ETFA: variants seen among roughly 807,000 people sequenced by gnomAD.
ETFA encodes electron transfer flavoprotein subunit alpha, also known as electron transfer flavoprotein subunit alpha, mitochondrial.
A neutral mutation model predicts 46.2 loss-of-function variants in ETFA; 22 were observed. That is an observed-to-expected ratio of 0.48 (90% confidence interval 0.34 to 0.68). ETFA has a LOEUF of 0.68. Among genes scored for constraint, ETFA ranks in the 30% least tolerant of loss-of-function variants. ETFA has a pLI of 0.01. For missense variants in ETFA, 345 were observed against 401.1 expected, an observed-to-expected ratio of 0.86 and a Z score of 1.19; for synonymous variants, 131 against 139.9, an observed-to-expected ratio of 0.94 and a Z score of 0.45.
chr15:76,311,350 C>A lies in ETFA; in HGVS notation c.39G>T (p.Ala13=). Residue 13 remains alanine, a splice_region_variant and synonymous_variant, in exon 1 of 12, where the codon GCG becomes GCT. Transcript: ENST00000557943. ...GTTCGCCTTCCCAGTCCGGACTCAC[C>A]GCCCGCCGGAGCTGCCCCGGAGCCG... ...RAAAPGQLRR[A]ASLLRFQSTL... The A allele has an allele frequency of 6.4e-7, 1 of 1,557,676 alleles. No individual in the cohort carries two copies. The highest frequency in any genetic ancestry group is 8.7e-7 in the Non-Finnish European group (1 of 1,151,352).
chr15:76,258,880 G>A (rs2039373441), intron 9 of ETFA: 3 of 744,426 alleles, frequency 4.0e-6, no homozygotes, highest in African/African-American at 1.7e-5. Context: ...ACTACCACAG[G>A]AGCCTCCACA....
rs1260407620 is a variant in ETFA at position 76,287,864 on chromosome 15, C to T, written c.433G>A (p.Val145Met). 1 of 1,612,616 alleles carries T rather than the reference C, an allele frequency of 6.2e-7. No homozygotes were observed. ...IIAIKSPDTF[V>M]RTIYAGNALC... is the part of the protein sequence containing the mutation. ...TACTCACCTGCATAAATAGTTCTCACAAATGTGTCAGGTGACTTGATTGCA... is the reference window on the plus strand; with the variant it reads ...TACTCACCTGCATAAATAGTTCTCATAAATGTGTCAGGTGACTTGATTGCA... Residue 145 changes from valine (V) to methionine (M), a missense_variant, in exon 5 of 12, where the codon GTG becomes ATG. Physicochemically the swap from Val to Met is conservative, Grantham distance 21. Coordinates refer to ENST00000557943, the MANE Select transcript of ETFA (RefSeq NM_000126.4).
intron 11 of ETFA, among the ~76,000 whole-genome samples, chr15:76,221,250 A>G (rs1289018429): frequency 1.3e-5 from 2 of 152,252 alleles, no homozygotes; most frequent in Non-Finnish European, 2.9e-5. Flanking sequence ...ACATAATTCA[A>G]TTTATATGAA....
In ETFA at chr15:76,295,936, CTTTTTTTTTTT is replaced by C. The variant is rs1157687784; in HGVS notation, c.40-210_40-200del. ...TGTCTATCACTGTACCACTAATATT[CTTTTTTTTTTT>C]TTTTTTTTTTTTGAGATGGAGTCTC... On this transcript the variant is annotated intron_variant, in intron 1 of 11. Transcript: ENST00000557943. Among the ~76,000 whole-genome samples the C allele has an allele frequency of 5.7e-3, 266 of 46,608 alleles. 16 individuals are homozygous for C. Among genetic ancestry groups the C allele is most frequent in the Non-Finnish European group, 7.1e-3 (166 of 23,546 alleles). 30.6% of individuals were successfully genotyped at this position (46,608 alleles called of 152,430 possible).
chr15:76,300,599 C>A (rs773278234), intron 1 of ETFA, among the ~76,000 whole-genome samples: 1 of 152,186 alleles, frequency 6.6e-6, no homozygotes, highest in Non-Finnish European at 1.5e-5. Flanking sequence ...CTGCTTCCTA[C>A]CAATCTATTT....
At chr15:76,227,758 A>C in intron 10 of ETFA, 1 of 450,680 alleles carries the variant, frequency 2.2e-6, no homozygotes, top group Non-Finnish European at 4.5e-6. Context: ...AAAATACATT[A>C]AGTATTTTGA....
chr15:76,262,473 C>CTT lies in ETFA; in HGVS notation c.816+11938_816+11939insAA, dbSNP rs2039425196. 3.4e-5 allele frequency among the ~76,000 whole-genome samples: 4 copies of CTT among 118,600 alleles called. No homozygotes were observed. The South Asian group carries it at 8.5e-4, about 25-fold the overall frequency. The allele number at this position is 118,600 out of a possible 152,430, so 77.8% of individuals were successfully genotyped here. A position where few individuals can be genotyped will look rare whatever the true frequency, so the allele number is the denominator to read the frequency against. The stretch of plus-strand genomic sequence containing the variant: ...CCCTAGGTATACCATAATCAAACCC[C>CTT]CTTTTTTTTTTTTTTTTTTTTTTTT... On this transcript the variant is annotated intron_variant, in intron 9 of 11. Transcript: ENST00000557943.
intron 1 of ETFA, chr15:76,310,099 A>G: frequency 6.4e-6 from 1 of 156,888 alleles, no homozygotes; most frequent in Non-Finnish European, 1.3e-5. Context: ...AAAAAAAATT[A>G]GCCAGGCGTG....
intron 8 of ETFA, 127 bp from the exon 9 acceptor site, chr15:76,274,621 G>T: frequency 1.3e-6 from 1 of 789,994 alleles, no homozygotes; most frequent in Non-Finnish European, 2.1e-6. Context: ...TATACAGAAA[G>T]CTTCAAGGAA....
At chr15:76,241,234 C>T (rs2039183511) in intron 9 of ETFA, among the ~76,000 whole-genome samples, 1 of 152,094 alleles carries the variant, frequency 6.6e-6, no homozygotes, top group African/African-American at 2.4e-5. Context: ...GGTGCAGTGG[C>T]TCATGCCTGT....
chr15:76,231,862 T>C (rs976695612), intron 9 of ETFA, among the ~76,000 whole-genome samples: 6 of 152,214 alleles, frequency 3.9e-5, no homozygotes. Flanking sequence ...TTGACTTAGT[T>C]GTTTGGCTTA....
At chr15:76,273,587 A>AAAAC in intron 9 of ETFA, among the ~76,000 whole-genome samples, 2 of 141,598 alleles carry the variant, frequency 1.4e-5, no homozygotes, top group African/African-American at 5.0e-5. Flanking sequence ...CAAAACAAAA[A>AAAAC]AAACTTCAAA....
chr15:76,256,987 T>TACAC, intron 9 of ETFA, among the ~76,000 whole-genome samples: 1 of 152,346 alleles, frequency 6.6e-6, no homozygotes, highest in South Asian at 2.1e-4. Context: ...CTATGATGCT[T>TACAC]ACACAATAAC....
chr15:76,222,970 G>A (rs2038972217), intron 11 of ETFA, among the ~76,000 whole-genome samples: 1 of 151,792 alleles, frequency 6.6e-6, no homozygotes, highest in African/African-American at 2.4e-5. Flanking sequence ...AAGTAGCTGG[G>A]ACCACAGGCA....
At chr15:76,243,526 A>T (rs955926046) in intron 9 of ETFA, among the ~76,000 whole-genome samples, 1 of 151,584 alleles carries the variant, frequency 6.6e-6, no homozygotes, top group East Asian at 2.0e-4. Context: ...GGCCAGGCGC[A>T]GTAGCTCACG....
At chr15:76,261,477 G>C (rs2039412552) in intron 9 of ETFA, 8 of 866,580 alleles carry the variant, frequency 9.2e-6, no homozygotes, top group Non-Finnish European at 1.1e-5. Flanking sequence ...CCCACTGGAT[G>C]TCAGGCTCCT....
At chr15:76,260,931 G>A (rs2039404624) in intron 9 of ETFA, 1 of 1,611,426 alleles carries the variant, frequency 6.2e-7, no homozygotes, top group African/African-American at 1.3e-5. Context: ...CACCTGAACT[G>A]TACAGGACTG....
At chr15:76,311,012 G>C (rs1302494368) in intron 1 of ETFA, among the ~76,000 whole-genome samples, 1 of 152,244 alleles carries the variant, frequency 6.6e-6, no homozygotes, top group Non-Finnish European at 1.5e-5. Flanking sequence ...TGTGGAGCAA[G>C]TGTGGAGGAC....
At chr15:76,299,349 T>C (rs545646618) in intron 1 of ETFA, among the ~76,000 whole-genome samples, 1 of 152,300 alleles carries the variant, frequency 6.6e-6, no homozygotes, top group African/African-American at 2.4e-5. Flanking sequence ...AGTGGCACAA[T>C]CACAGCTCTC....
Sources: allele counts gnomAD v4.1 joint callset (sites outside exome capture counted in the v4.1 genomes callset), GRCh38; gene constraint gnomAD v4.1.1; transcripts MANE v1.5; gene names NCBI Gene and HGNC (gene_info 2026-07-23, HGNC 2026-07-21).